FANCB: variants seen among roughly 807,000 people sequenced by gnomAD.
FANCB encodes FA complementation group B, also known as Fanconi anemia group B protein.
Under a neutral mutation model 38.9 loss-of-function variants are expected in FANCB, and 5 were observed. The observed-to-expected ratio is 0.13, with a 90% CI of 0.07 to 0.27. The LOEUF is 0.27. Ranked by LOEUF, FANCB falls within the 10% of genes least tolerant of loss-of-function variation. FANCB has a pLI of 1.00. For missense variants in FANCB, 573 were observed against 602.7 expected (o/e 0.95, Z 0.52); for synonymous variants, 236 against 215.4 (o/e 1.10, Z -0.84).
At chrX:14,693,732 ATAT>A in the FANCB span, among the ~76,000 whole-genome samples, 1 of 112,138 alleles carries the variant, frequency 8.9e-6, no homozygotes, top group Non-Finnish European at 1.9e-5. Context: ...CACTGAAATA[ATAT>A]TATCTGAGTA....
the FANCB span, among the ~76,000 whole-genome samples, chrX:14,814,140 G>A: frequency 9.0e-6 from 1 of 111,469 alleles, no homozygotes; most frequent in Non-Finnish European, 1.9e-5. Flanking sequence ...AGCTGAAACT[G>A]GATCCCTTCC....
intron 1 of FANCB, among the ~76,000 whole-genome samples, chrX:14,871,083 C>A (rs979910199): frequency 3.6e-5 from 4 of 110,511 alleles, no homozygotes; most frequent in African/African-American, 1.3e-4. Context: ...TTGATCTCAC[C>A]TTTTTCAACA....
the FANCB span, chrX:14,730,592 GGGAGGGAGGGTCATGGGGGT>G: frequency 1.7e-4 from 21 of 125,432 alleles, no homozygotes; most frequent in South Asian, 8.8e-4. Flanking sequence ...TGAGGGAGGG[GGGAGGGAGGGTCATGGGGGT>G]GGGTTTCCTG....
intron 7 of FANCB, among the ~76,000 whole-genome samples, chrX:14,846,164 G>C (rs750273911): frequency 9.0e-5 from 10 of 111,183 alleles, no homozygotes; most frequent in Admixed American, 7.7e-4. Context: ...TATCAATAGC[G>C]GAGACAGAAG....
intron 9 of FANCB, among the ~76,000 whole-genome samples, chrX:14,844,216 G>C (rs1254914688): frequency 9.0e-6 from 1 of 110,983 alleles, no homozygotes; most frequent in Non-Finnish European, 1.9e-5. Flanking sequence ...TTTTTGCTGA[G>C]TAATAAGGTC....
At chrX:14,759,921 C>A in the FANCB span, among the ~76,000 whole-genome samples, 3 of 111,443 alleles carry the variant, frequency 2.7e-5, no homozygotes, top group African/African-American at 9.8e-5. Context: ...CTTCATAAGC[C>A]AAGGAGAAAT....
the FANCB span, among the ~76,000 whole-genome samples, chrX:14,733,474 T>A: frequency 3.6e-5 from 4 of 112,278 alleles, no homozygotes; most frequent in Admixed American, 3.8e-4. Flanking sequence ...ATGGCCATTT[T>A]CATGATATTG....
chrX:14,849,189 C>T (rs2092390327), intron 7 of FANCB, among the ~76,000 whole-genome samples: 1 of 111,956 alleles, frequency 8.9e-6, no homozygotes, highest in African/African-American at 3.3e-5. Context: ...TGCAAATATT[C>T]TTGACCAAAG....
intron 5 of FANCB, among the ~76,000 whole-genome samples, chrX:14,857,649 T>A (rs966202981): frequency 9.0e-6 from 1 of 111,701 alleles, no homozygotes; most frequent in East Asian, 2.8e-4. Flanking sequence ...TAAATCTATA[T>A]AGTCTTACTA....
the FANCB span, among the ~76,000 whole-genome samples, chrX:14,710,621 T>C: frequency 8.9e-6 from 1 of 111,985 alleles, no homozygotes; most frequent in South Asian, 3.7e-4. Context: ...ACGTCAAAGA[T>C]AATTGAAAGA....
chrX:14,810,256 C>T, the FANCB span, among the ~76,000 whole-genome samples: 4 of 111,663 alleles, frequency 3.6e-5, no homozygotes, highest in Admixed American at 9.5e-5. Context: ...AAAAGCAGAG[C>T]GCCTCTCCTC....
the FANCB span, among the ~76,000 whole-genome samples, chrX:14,744,847 C>T: frequency 9.0e-6 from 1 of 111,203 alleles, no homozygotes; most frequent in African/African-American, 3.3e-5. Flanking sequence ...AGTACCTGCA[C>T]GGAACACATC....
the FANCB span, among the ~76,000 whole-genome samples, chrX:14,718,389 GA>G: frequency 8.9e-6 from 1 of 112,110 alleles, no homozygotes; most frequent in Non-Finnish European, 1.9e-5. Context: ...TCTAGGTTTA[GA>G]TAACTAGCTA....
At chrX:14,826,288 A>C in the FANCB span, among the ~76,000 whole-genome samples, 1 of 111,742 alleles carries the variant, frequency 8.9e-6, no homozygotes, top group African/African-American at 3.3e-5. Flanking sequence ...TCTGTCCCCA[A>C]GCAGAAGCCC....
chrX:14,706,930 C>T, the FANCB span, among the ~76,000 whole-genome samples: 2 of 112,058 alleles, frequency 1.8e-5, no homozygotes, highest in Non-Finnish European at 3.8e-5. Flanking sequence ...TGTCGTACAG[C>T]CAATTCCTGA....
chrX:14,730,181 T>C, the FANCB span: 2 of 1,155,274 alleles, frequency 1.7e-6, no homozygotes, highest in Non-Finnish European at 2.4e-6. Flanking sequence ...AACCAATCTG[T>C]GCTTCCTCTG....
At chrX:14,807,035 A>C in the FANCB span, among the ~76,000 whole-genome samples, 9 of 111,783 alleles carry the variant, frequency 8.1e-5, no homozygotes, top group Non-Finnish European at 1.7e-4. Flanking sequence ...GAAAAGGGAG[A>C]GGTTTATTAT....
chrX:14,843,608 A>C lies in FANCB; in HGVS notation c.2539T>G (p.Leu847Val). The change falls in exon 10 of 10, where the codon TTG becomes GTG. Residue 847 changes from leucine to valine, a missense_variant. Leu to Val is a conservative substitution (Grantham distance 32). Transcript: ENST00000650831. ...EITLKVAEVQ[L>V]KSDFAAQKLS... ...TTCTGTGCAGCAAAGTCTGATTTCA[A>C]CTGAACCTCAGCTACTTTCAAAGTT... is the stretch of plus-strand genomic sequence containing the variant. 2 of 1,205,224 alleles carry C rather than the reference A, an allele frequency of 1.7e-6. No homozygotes were observed. Among genetic ancestry groups the C allele is most frequent in the Non-Finnish European group, 2.2e-6 (2 of 891,580 alleles).
intron 7 of FANCB, 39 bp from the exon 8 acceptor site, chrX:14,845,325 A>C (rs753335911): frequency 9.9e-7 from 1 of 1,014,851 alleles, no homozygotes; most frequent in Non-Finnish European, 1.4e-6. Context: ...CTAAAAGCTC[A>C]TTCTTTAAAA....
Sources: gnomAD v4.1 joint callset for allele counts (sites outside exome capture counted in the v4.1 genomes callset) on GRCh38, gnomAD v4.1.1 for gene constraint, MANE v1.5 for transcripts, NCBI Gene and HGNC (gene_info 2026-07-23, HGNC 2026-07-21) for gene names.